SEL1L2: variants seen among roughly 807,000 people sequenced by gnomAD.
The protein encoded by SEL1L2 is protein sel-1 homolog 2.
SEL1L2 carries 89 observed loss-of-function variants against 98.8 expected under a neutral mutation model. The ratio of observed to expected loss-of-function variants is 0.90; its 90% CI spans 0.76 to 1.07. SEL1L2 has a LOEUF of 1.07. Among genes scored for constraint, SEL1L2 ranks in the 50% least tolerant of loss-of-function variants. The pLI, the probability that SEL1L2 is intolerant of heterozygous loss-of-function variation, is 0.00. For synonymous variants in SEL1L2, 262 were observed against 278.5 expected (o/e 0.94, Z 0.59); for missense variants, 788 against 812.0 (o/e 0.97, Z 0.36).
At chr20:13,928,189 T>C (rs2048979526) in intron 3 of SEL1L2, 1 of 152,228 alleles carries the variant, frequency 6.6e-6, no homozygotes, top group East Asian at 1.9e-4. Context: ...ATCTGCTGTT[T>C]TCATAGTTCT....
chr20:13,879,506 C>T (rs943062892), intron 10 of SEL1L2, among the ~76,000 whole-genome samples: 3 of 152,000 alleles, frequency 2.0e-5, no homozygotes, highest in Admixed American at 6.6e-5. Flanking sequence ...TGCGTGACCA[C>T]CACAACTGGC....
At chr20:13,960,302 C>T (rs1036502499) in intron 1 of SEL1L2, among the ~76,000 whole-genome samples, 1 of 151,910 alleles carries the variant, frequency 6.6e-6, no homozygotes, top group Non-Finnish European at 1.5e-5. Flanking sequence ...ATACACTGGT[C>T]CAGAAAATCA....
chr20:13,967,579 G>A (rs2051108053), intron 1 of SEL1L2, among the ~76,000 whole-genome samples: 1 of 152,074 alleles, frequency 6.6e-6, no homozygotes, highest in South Asian at 2.1e-4. Flanking sequence ...ACTTGCAAGG[G>A]GAGTGCCATC....
At chr20:13,990,630 G>A, upstream of SEL1L2, 4 of 919,822 alleles carry the variant, frequency 4.3e-6, no homozygotes, top group South Asian at 1.5e-5. Context: ...GGGGGCAGGA[G>A]TCAGTTGCTA....
At position 13,869,577 on chromosome 20, in the gene SEL1L2, G is replaced by A. The variant is rs1489232815; in HGVS notation, c.1181C>T (p.Ala394Val). The A allele has an allele frequency of 6.2e-7, 1 of 1,613,934 alleles. No homozygotes were observed. Among genetic ancestry groups the A allele is most frequent in the Admixed American group, 1.7e-5 (1 of 60,022 alleles). Residue 394 changes from alanine (A) to valine (V), a missense_variant, in exon 14 of 20, where the codon GCA becomes GTA. Coordinates refer to ENST00000284951, the MANE Select transcript of SEL1L2 (RefSeq NM_025229.2). ...GKGVPLNYAE[A>V]LKYFQKAAEK... ...CGCAGCTTTCTGAAAGTATTTAAGTGCTTCGGCATAATTCTGCAAGATAAT... is the reference window on the plus strand; with the variant it reads ...CGCAGCTTTCTGAAAGTATTTAAGTACTTCGGCATAATTCTGCAAGATAAT...
chr20:13,853,901 G>T (rs1308868793), intron 18 of SEL1L2, among the ~76,000 whole-genome samples: 1 of 152,116 alleles, frequency 6.6e-6, no homozygotes, highest in African/African-American at 2.4e-5. Context: ...AACTAATAAA[G>T]CTATACACAC....
intron 18 of SEL1L2, among the ~76,000 whole-genome samples, chr20:13,857,961 C>G (rs952201002): frequency 2.6e-5 from 4 of 152,260 alleles, no homozygotes; most frequent in Middle Eastern, 3.4e-3. Context: ...CAAGAATTAT[C>G]CAATTTAGCT....
intron 10 of SEL1L2, among the ~76,000 whole-genome samples, chr20:13,878,186 T>C (rs1169635644): frequency 6.6e-6 from 1 of 152,206 alleles, no homozygotes; most frequent in African/African-American, 2.4e-5. Context: ...ACATAAGGGC[T>C]GACCTTGTCC....
intron 5 of SEL1L2, among the ~76,000 whole-genome samples, chr20:13,893,530 C>T (rs2047295508): frequency 6.6e-6 from 1 of 152,074 alleles, no homozygotes; most frequent in African/African-American, 2.4e-5. Flanking sequence ...AAAATATTGA[C>T]AGAACTGAAG....
rs181091896 is a variant in SEL1L2 at position 13,974,800 on chromosome 20, A to G, written c.58+15677T>C. Among the ~76,000 whole-genome samples, 113 of 152,146 alleles carry G rather than the reference A, an allele frequency of 7.4e-4. 3 individuals carry two copies. Among genetic ancestry groups the G allele is most frequent in the Admixed American group, 4.2e-3 (64 of 15,274 alleles). On this transcript the variant is annotated intron_variant, in intron 1 of 19. Transcript: ENST00000284951. ...TTTTTTTCCCTGAACCTACTTGTAC[A>G]TCTTTCCTAGAAGTATTCTCTTTTG... is the stretch of plus-strand genomic sequence containing the variant.
In SEL1L2 at chr20:13,849,621, T is replaced by C. The variant is rs570048721; in HGVS notation, c.1948-17A>G. ...CGTTGTGAACTGCTGGCAAGAGACA[T>C]TCTCTCAAAAACAATCCAAGCTTCC... On this transcript the variant is annotated splice_polypyrimidine_tract_variant and intron_variant, in intron 19 of 19. Transcript: ENST00000284951. The C allele has an allele frequency of 1.2e-6, 2 of 1,612,490 alleles. No homozygotes were observed. The highest frequency in any genetic ancestry group is 4.5e-5 in the East Asian group (2 of 44,842).
At chr20:13,870,093 C>A in intron 13 of SEL1L2, 48 bp downstream of exon 13, 4 of 1,329,610 alleles carry the variant, frequency 3.0e-6, no homozygotes, top group Non-Finnish European at 4.3e-6. Flanking sequence ...ATGAATTTTA[C>A]CCTGTAAATT....
intron 5 of SEL1L2, among the ~76,000 whole-genome samples, chr20:13,898,733 G>GT (rs67231527): frequency 4.6e-5 from 7 of 151,918 alleles, no homozygotes; most frequent in East Asian, 1.9e-4. Context: ...GCTTCCCATT[G>GT]TTTTTTTATT....
intron 4 of SEL1L2, among the ~76,000 whole-genome samples, chr20:13,914,705 C>G (rs1246707429): frequency 6.6e-6 from 1 of 152,134 alleles, no homozygotes; most frequent in African/African-American, 2.4e-5. Flanking sequence ...TGGCATTGTG[C>G]GTGGTATAGA....
intron 1 of SEL1L2, among the ~76,000 whole-genome samples, chr20:13,984,102 C>A (rs1352137353): frequency 1.3e-5 from 2 of 151,896 alleles, no homozygotes; most frequent in South Asian, 2.1e-4. Flanking sequence ...ACCTCTGCCT[C>A]CTGGGTTCAT....
At chr20:13,981,816 CT>C (rs919532132) in intron 1 of SEL1L2, among the ~76,000 whole-genome samples, 5 of 152,208 alleles carry the variant, frequency 3.3e-5, no homozygotes, top group Non-Finnish European at 7.3e-5. Context: ...TGTCTTTTCC[CT>C]GGTTACAGGT....
chr20:13,967,708 C>A (rs1043206639), intron 1 of SEL1L2, among the ~76,000 whole-genome samples: 9 of 152,164 alleles, frequency 5.9e-5, no homozygotes, highest in African/African-American at 2.2e-4. Flanking sequence ...AAGGACACAG[C>A]TTTTCTCTTC....
chr20:13,988,351 T>C (rs1259431305), intron 1 of SEL1L2, among the ~76,000 whole-genome samples: 1 of 152,196 alleles, frequency 6.6e-6, no homozygotes, highest in Non-Finnish European at 1.5e-5. Context: ...AAAAACTGTT[T>C]TATTTATTTT....
At chr20:13,935,490 C>T (rs114527113) in intron 2 of SEL1L2, among the ~76,000 whole-genome samples, 1,858 of 152,236 alleles carry the variant, frequency 0.012, 39 homozygotes, top group African/African-American at 0.041. Flanking sequence ...GAGTAGACCC[C>T]TGTGGGAATG....
Sources: allele counts gnomAD v4.1 joint callset (sites outside exome capture counted in the v4.1 genomes callset), GRCh38; gene constraint gnomAD v4.1.1; transcripts MANE v1.5; gene names NCBI Gene and HGNC (gene_info 2026-07-23, HGNC 2026-07-21).